SRP19: variants seen among roughly 807,000 people sequenced by gnomAD.
SRP19 encodes the protein signal recognition particle 19.
In SRP19, 11 loss-of-function variants were observed where a neutral mutation model predicts 22.4. That is an observed-to-expected ratio of 0.49 (90% CI 0.31 to 0.81). The LOEUF is 0.81. Ranked by LOEUF, SRP19 falls within the 40% of genes least tolerant of loss-of-function variation. The pLI is 0.05. For missense variants in SRP19, 168 were observed against 175.9 expected (o/e 0.96, Z 0.25); for synonymous variants, 61 against 57.6 (o/e 1.06, Z -0.27).
chr5:112,863,251 A>T (rs919893626), intron 2 of SRP19, among the ~76,000 whole-genome samples: 1 of 152,192 alleles, frequency 6.6e-6, no homozygotes, highest in African/African-American at 2.4e-5. Context: ...AGTTTTCTGT[A>T]AATGGAATTA....
At chr5:112,886,976 T>G in intron 4 of SRP19, 1 of 1,468,800 alleles carries the variant, frequency 6.8e-7, no homozygotes, top group Non-Finnish European at 9.3e-7. Flanking sequence ...GTGTCACATC[T>G]CCTCTCACAT....
At chr5:112,890,710 C>G (rs957356228) in intron 4 of SRP19, among the ~76,000 whole-genome samples, 19 of 150,594 alleles carry the variant, frequency 1.3e-4, no homozygotes, top group Middle Eastern at 3.4e-3. Flanking sequence ...ATACAGATCT[C>G]TCAACCCAAC....
Position 112,861,309 on chromosome 5 carries a change from C to A in SRP19, c.-68C>A. Reference sequence around the variant, plus strand: ...AGCGGGCTGTCTCGGAAACTCAGAGCCGGGTTCCTCCCGGGTTTCTGCCGG... The same window carrying A: ...AGCGGGCTGTCTCGGAAACTCAGAGACGGGTTCCTCCCGGGTTTCTGCCGG... On this transcript the variant is annotated 5_prime_UTR_variant, in exon 1 of 5. Coordinates refer to ENST00000505459, the MANE Select transcript of SRP19 (RefSeq NM_003135.3). 1.9e-6 allele frequency: 3 copies of A among 1,586,996 alleles called. No homozygotes were observed. Among genetic ancestry groups the A allele is most frequent in the South Asian group, 2.2e-5 (2 of 90,428 alleles).
chr5:112,869,976 A>G (rs1334685950), downstream of SRP19, among the ~76,000 whole-genome samples: 1 of 152,218 alleles, frequency 6.6e-6, no homozygotes, highest in African/African-American at 2.4e-5. Flanking sequence ...TATAAATTGG[A>G]CACAGTAACA....
downstream of SRP19, among the ~76,000 whole-genome samples, chr5:112,873,271 C>CTTTTTTTTTTTTT (rs35379154): frequency 9.9e-5 from 5 of 50,752 alleles, no homozygotes; most frequent in East Asian, 7.7e-4. Flanking sequence ...CTCAGGTTTT[C>CTTTTTTTTTTTTT]TTTTTTTTTT....
At position 112,867,721 on chromosome 5, in the gene SRP19, C is replaced by T. The variant is rs1488041188; in HGVS notation, c.*184C>T. On this transcript the variant is annotated 3_prime_UTR_variant, in exon 5 of 5. Coordinates refer to ENST00000505459, the MANE Select transcript of SRP19 (RefSeq NM_003135.3). ...AAATTTACATCAGAAGTTTGCATCT[C>T]GCGTATATGCCGTATAAAAGAATTT... The T allele has an allele frequency of 1.7e-5, 22 of 1,321,564 alleles. No homozygotes were observed. The highest frequency in any genetic ancestry group is 5.6e-4 in the Middle Eastern group (2 of 3,544). The allele number at this position is 1,321,564 out of a possible 1,614,324, so 81.9% of individuals were successfully genotyped here.
At chr5:112,877,170 A>G (rs878955801) in intron 4 of SRP19, 1 of 152,302 alleles carries the variant, frequency 6.6e-6, no homozygotes, top group African/African-American at 2.4e-5. Flanking sequence ...TTCCTCCCCA[A>G]AATAAATGCT....
At chr5:112,869,989 TTAAC>T (rs1329223336), downstream of SRP19, among the ~76,000 whole-genome samples, 2 of 152,126 alleles carry the variant, frequency 1.3e-5, no homozygotes, top group Non-Finnish European at 2.9e-5. Context: ...CAGTAACAGA[TTAAC>T]AATAAAATAG....
exon 5 of SRP19, chr5:112,892,959 C>G (rs1355863859): frequency 6.3e-7 from 1 of 1,595,596 alleles, no homozygotes; most frequent in East Asian, 2.3e-5. Flanking sequence ...ACCAGGGCCG[C>G]CGGAGCCAGA....
chr5:112,879,009 A>G (rs1767983403), intron 4 of SRP19, among the ~76,000 whole-genome samples: 2 of 151,946 alleles, frequency 1.3e-5, no homozygotes, highest in Non-Finnish European at 2.9e-5. Context: ...CAGGAAATGG[A>G]GAAGGTACCT....
chr5:112,884,264 T>C (rs818430), intron 4 of SRP19, among the ~76,000 whole-genome samples: 85,408 of 152,000 alleles, frequency 0.56, 26,455 homozygotes, highest in African/African-American at 0.84. Flanking sequence ...CGCAACTTCT[T>C]CCACCTCATC....
intron 4 of SRP19, chr5:112,885,057 C>A (rs1465996446): frequency 6.5e-6 from 1 of 153,824 alleles, no homozygotes; most frequent in African/African-American, 2.4e-5. Context: ...GCATACTGAA[C>A]CGATCAATCT....
chr5:112,891,868 C>T (rs560904413), exon 5 of SRP19: 6 of 1,465,892 alleles, frequency 4.1e-6, no homozygotes, highest in Admixed American at 1.7e-5. Flanking sequence ...GGAAAGATTA[C>T]ATGAGGAGTG....
At position 112,867,973 on chromosome 5, in the gene SRP19, G is replaced by T; in HGVS notation, c.*436G>T. 1.0e-6 allele frequency: 1 copy of T among 986,934 alleles called. No individual in the cohort carries two copies. Among genetic ancestry groups the T allele is most frequent in the Non-Finnish European group, 1.2e-6 (1 of 830,810 alleles). The allele number at this position is 986,934 out of a possible 1,614,324, so 61.1% of individuals were successfully genotyped here. A position where few individuals can be genotyped will look rare whatever the true frequency, so the allele number is the denominator to read the frequency against. The stretch of plus-strand genomic sequence containing the variant: ...GGGATAATTAAGAATAAAATATGTA[G>T]TGAAAGTTTCCATAGTGTGAGGCTA... On this transcript the variant is annotated 3_prime_UTR_variant, in exon 5 of 5. Transcript: ENST00000505459.
intron 4 of SRP19, among the ~76,000 whole-genome samples, chr5:112,886,817 C>A (rs1367230144): frequency 6.6e-6 from 1 of 152,092 alleles, no homozygotes; most frequent in South Asian, 2.1e-4. Context: ...TTAAATGTGG[C>A]ATGGAGGAAG....
Position 112,868,149 on chromosome 5 carries a change from A to C in SRP19, c.*612A>C. The C allele has an allele frequency of 3.0e-6, 3 of 985,408 alleles. No homozygotes were observed. Among genetic ancestry groups the C allele is most frequent in the Non-Finnish European group, 3.6e-6 (3 of 829,942 alleles). 61.0% of individuals were successfully genotyped at this position (985,408 alleles called of 1,614,324 possible). On this transcript the variant is annotated 3_prime_UTR_variant, in exon 5 of 5. Coordinates refer to ENST00000505459, the MANE Select transcript of SRP19 (RefSeq NM_003135.3). The stretch of plus-strand genomic sequence containing the variant: ...GAAAGTCCTGGATTTTAAGCTTTAA[A>C]TTTGCTTATTTTGTAGGTTTAAGAA...
chr5:112,886,790 T>A (rs529803622), intron 4 of SRP19, among the ~76,000 whole-genome samples: 1 of 152,342 alleles, frequency 6.6e-6, no homozygotes, highest in South Asian at 2.1e-4. Context: ...TTCCTAATGT[T>A]CTGACTGAAG....
chr5:112,895,959 T>G (rs1164809450), downstream of SRP19: 2 of 152,240 alleles, frequency 1.3e-5, no homozygotes, highest in African/African-American at 4.8e-5. Flanking sequence ...CAATGACTCC[T>G]TAAATTACGA....
rs773304586 is a variant in SRP19 at position 112,892,503 on chromosome 5, C to T, written c.*896C>T. 3.1e-6 allele frequency: 5 copies of T among 1,614,056 alleles called. No homozygotes were observed. In the Admixed American group the frequency reaches 5.0e-5, roughly 16 times the overall value. On this transcript the variant is annotated 3_prime_UTR_variant, in exon 5 of 5. Transcript: ENST00000391338. ...AGTCGGAAGAAGAATGCCAAGCAGCCCTTTCTCTGTTTAACGGACGATGGT... is the reference window on the plus strand; with the variant it reads ...AGTCGGAAGAAGAATGCCAAGCAGCTCTTTCTCTGTTTAACGGACGATGGT...
Sources: gnomAD v4.1 joint callset for allele counts (sites outside exome capture counted in the v4.1 genomes callset) on GRCh38, gnomAD v4.1.1 for gene constraint, MANE v1.5 for transcripts, NCBI Gene and HGNC (gene_info 2026-07-23, HGNC 2026-07-21) for gene names.